The following C9 variants were observed in gnomAD, a reference collection of about 807,000 sequenced individuals.
The protein encoded by C9 is complement component C9.
In C9, 63 loss-of-function variants were observed where a neutral mutation model predicts 65.4. That is an observed-to-expected ratio of 0.96 (90% CI 0.79 to 1.19). The LOEUF (loss-of-function observed/expected upper bound fraction) is 1.19, where lower values mean the gene tolerates loss of function less well. Ranked by LOEUF, C9 falls within the 50% of genes most tolerant of loss-of-function variation. C9 has a pLI of 0.00. For synonymous variants in C9, 229 were observed against 227.9 expected, an observed-to-expected ratio of 1.00 and a Z score of -0.04; for missense variants, 744 against 670.1, an observed-to-expected ratio of 1.11 and a Z score of -1.22.
chr5:39,339,067 C>T (rs1262419678), intron 4 of C9, among the ~76,000 whole-genome samples: 1 of 152,124 alleles, frequency 6.6e-6, no homozygotes, highest in African/African-American at 2.4e-5. Flanking sequence ...TAGTAATGGG[C>T]TTTCACCATG....
At chr5:39,337,236 T>A (rs1753987392) in intron 4 of C9, among the ~76,000 whole-genome samples, 2 of 152,240 alleles carry the variant, frequency 1.3e-5, no homozygotes, top group African/African-American at 4.8e-5. Flanking sequence ...CTTATTTGTC[T>A]GCCCTTGGAA....
At position 39,284,440 on chromosome 5, in the gene C9, T is replaced by A. The variant is rs1561328324; in HGVS notation, c.*759A>T. ...AGGTATTAAGTTGGACTATATAAAA[T>A]TGATGTTTTTTCTTGTAAAATATGA... On this transcript the variant is annotated 3_prime_UTR_variant, in exon 11 of 11. Coordinates refer to ENST00000263408, the MANE Select transcript of C9 (RefSeq NM_001737.5). 1 of 152,184 alleles carries A rather than the reference T, an allele frequency of 6.6e-6. No individual in the cohort carries two copies. The highest frequency in any genetic ancestry group is 1.9e-4 in the East Asian group (1 of 5,204). 9.4% of individuals were successfully genotyped at this position (152,184 alleles called of 1,614,324 possible). A position where few individuals can be genotyped will look rare whatever the true frequency, so the allele number is the denominator to read the frequency against.
intron 9 of C9, among the ~76,000 whole-genome samples, chr5:39,296,572 T>C (rs1301245583): frequency 6.6e-6 from 1 of 151,554 alleles, no homozygotes; most frequent in Non-Finnish European, 1.5e-5. Context: ...AATTATCACA[T>C]GATCCAGCAA....
At position 39,362,767 on chromosome 5, in the gene C9, C is replaced by T. The variant is rs765672660; in HGVS notation, c.77+1621G>A. Among the ~76,000 whole-genome samples, 10 of 152,258 alleles carry T rather than the reference C, an allele frequency of 6.6e-5. No individual in the cohort carries two copies. The South Asian group carries it at 1.2e-3, about 19-fold the overall frequency. ...TCAGTTAGCTATTATTCAAACAAATCGTCTCACTTCATGACTGAGGGCTCT... is the reference window on the plus strand; with the variant it reads ...TCAGTTAGCTATTATTCAAACAAATTGTCTCACTTCATGACTGAGGGCTCT... On this transcript the variant is annotated intron_variant, in intron 1 of 10. Transcript: ENST00000263408.
rs60909851 is a variant in C9, at chr5:39,303,865, G to T, written c.1416+2752C>A. Among the ~76,000 whole-genome samples, 795 of 152,228 alleles carry T rather than the reference G, an allele frequency of 5.2e-3. 9 individuals are homozygous for T. Among genetic ancestry groups the T allele is most frequent in the African/African-American group, 0.018 (743 of 41,552 alleles). On this transcript the variant is annotated intron_variant, in intron 9 of 10. Coordinates refer to ENST00000263408, the MANE Select transcript of C9 (RefSeq NM_001737.5). Reference sequence around the variant, plus strand: ...TCCTAGTCTCAGTGAGTGTGGGTGTGTGGAGTTTGCCTTGTGTTGAGACGG... The same window carrying T: ...TCCTAGTCTCAGTGAGTGTGGGTGTTTGGAGTTTGCCTTGTGTTGAGACGG...
rs1319007443 is a variant in C9 at position 39,285,038 on chromosome 5, A to C, written c.*161T>G. ...ACAGGAGTTTAAGGAAGAAAAATTT[A>C]AAAAAAAATTATAGACCTAAGAGAG... On this transcript the variant is annotated 3_prime_UTR_variant, in exon 11 of 11. Transcript: ENST00000263408. 1.9e-5 allele frequency: 12 copies of C among 631,774 alleles called. No individual in the cohort carries two copies. The highest frequency in any genetic ancestry group is 2.8e-5 in the Non-Finnish European group (10 of 355,368). 39.1% of individuals were successfully genotyped at this position (631,774 alleles called of 1,614,324 possible).
chr5:39,310,534 C>T (rs1411876062), intron 7 of C9, among the ~76,000 whole-genome samples: 1 of 152,092 alleles, frequency 6.6e-6, no homozygotes, highest in Non-Finnish European at 1.5e-5. Context: ...TGATAATTAA[C>T]CATGGCCCTT....
In C9 at chr5:39,356,828, C is replaced by T. The variant is rs145391433; in HGVS notation, c.77+7560G>A. 4.2e-3 allele frequency among the ~76,000 whole-genome samples: 647 copies of T among 152,334 alleles called. 4 individuals are homozygous for T. The highest frequency in any genetic ancestry group is 0.014 in the African/African-American group (572 of 41,576). On this transcript the variant is annotated intron_variant, in intron 1 of 10. Transcript: ENST00000263408. ...CCACTTAACTCACTCAGCAGATCAT[C>T]TTTTGTAGTTCAAGGACTGCATATG...
At chr5:39,333,881 CG>C (rs1384534551) in intron 4 of C9, among the ~76,000 whole-genome samples, 1 of 152,172 alleles carries the variant, frequency 6.6e-6, no homozygotes, top group Non-Finnish European at 1.5e-5. Flanking sequence ...CCTGAGTTGC[CG>C]GGATTGCAGA....
intron 1 of C9, among the ~76,000 whole-genome samples, chr5:39,363,497 G>A (rs1415491228): frequency 6.6e-6 from 1 of 152,188 alleles, no homozygotes; most frequent in East Asian, 1.9e-4. Flanking sequence ...GGAATTGGAA[G>A]CAGGTTATGG....
intron 1 of C9, among the ~76,000 whole-genome samples, chr5:39,362,859 C>T (rs540361876): frequency 5.3e-5 from 8 of 152,250 alleles, no homozygotes; most frequent in Admixed American, 3.3e-4. Flanking sequence ...GCAGGGCAAC[C>T]GGGGCAAACT....
intron 1 of C9, among the ~76,000 whole-genome samples, chr5:39,348,117 C>A (rs1754245126): frequency 6.6e-6 from 1 of 152,050 alleles, no homozygotes; most frequent in Non-Finnish European, 1.5e-5. Flanking sequence ...TGGGCAAGGA[C>A]TTCATGTCTA....
intron 10 of C9, 95 bp from the exon 11 acceptor site, chr5:39,285,328 GCA>G: frequency 1.1e-6 from 1 of 931,756 alleles, no homozygotes; most frequent in Non-Finnish European, 1.8e-6. Flanking sequence ...TTATCCTCTT[GCA>G]CCACGTTGTG....
At chr5:39,340,575 C>G (rs1407181439) in intron 4 of C9, among the ~76,000 whole-genome samples, 3 of 152,136 alleles carry the variant, frequency 2.0e-5, no homozygotes, top group Non-Finnish European at 2.9e-5. Context: ...TGTCCAGAGC[C>G]CCTAGGTTTT....
intron 1 of C9, 95 bp downstream of exon 1, chr5:39,364,293 G>A: frequency 2.6e-6 from 2 of 755,432 alleles, no homozygotes; most frequent in Non-Finnish European, 4.9e-6. Context: ...TTGCCATGTG[G>A]ATTAACATTG....
At chr5:39,325,063 G>C (rs942248681) in intron 5 of C9, among the ~76,000 whole-genome samples, 7 of 152,322 alleles carry the variant, frequency 4.6e-5, no homozygotes, top group Middle Eastern at 6.8e-3. Flanking sequence ...AAGTTGTGGA[G>C]GTTTGGAGAG....
At chr5:39,330,350 C>G (rs751328772) in intron 5 of C9, among the ~76,000 whole-genome samples, 2 of 152,160 alleles carry the variant, frequency 1.3e-5, no homozygotes, top group African/African-American at 4.8e-5. Context: ...GAAAGCAGTG[C>G]TTCCTTTCCA....
chr5:39,290,194 A>G (rs1417845514), intron 9 of C9, among the ~76,000 whole-genome samples: 1 of 151,902 alleles, frequency 6.6e-6, no homozygotes, highest in African/African-American at 2.4e-5. Context: ...TTGTAGTTAG[A>G]TAGAAGGGGT....
rs1239112369 is a variant in C9 at position 39,308,086 on chromosome 5, A to G, written c.1240+144T>C. 3 of 768,934 alleles carry G rather than the reference A, an allele frequency of 3.9e-6. No homozygotes were observed. The African/African-American group carries it at 5.2e-5, about 13-fold the overall frequency. The allele number at this position is 768,934 out of a possible 1,614,324, so 47.6% of individuals were successfully genotyped here. A position where few individuals can be genotyped will look rare whatever the true frequency, so the allele number is the denominator to read the frequency against. On this transcript the variant is annotated intron_variant, in intron 8 of 10. Transcript: ENST00000263408. ...ATGTCCATGCGCTATCGGTGTTTATAGTGGTTTGAAAACCGCTTTAAATGT... is the reference window on the plus strand; with the variant it reads ...ATGTCCATGCGCTATCGGTGTTTATGGTGGTTTGAAAACCGCTTTAAATGT...
Sources: allele counts gnomAD v4.1 joint callset (sites outside exome capture counted in the v4.1 genomes callset), GRCh38; gene constraint gnomAD v4.1.1; transcripts MANE v1.5; gene names NCBI Gene and HGNC (gene_info 2026-07-23, HGNC 2026-07-21).